The following MDH1 variants were observed in gnomAD, a reference collection of about 807,000 sequenced individuals.
MDH1 encodes malate dehydrogenase, cytoplasmic.
In MDH1, 15 loss-of-function variants were observed where a neutral mutation model predicts 38.7. That is an observed-to-expected ratio of 0.39 (90% CI 0.26 to 0.60). MDH1 has a LOEUF of 0.60. Among genes scored for constraint, MDH1 ranks in the 20% least tolerant of loss-of-function variants. The pLI is 0.56. For synonymous variants in MDH1, 144 were observed against 143.6 expected (o/e 1.00, Z -0.02); for missense variants, 368 against 405.2 (o/e 0.91, Z 0.79).
chr2:63,598,558 T>C (rs934629660), intron 4 of MDH1, among the ~76,000 whole-genome samples: 1 of 152,194 alleles, frequency 6.6e-6, no homozygotes, highest in East Asian at 1.9e-4. Context: ...TGAAAGAAAA[T>C]TTTTTAAGAT....
At chr2:63,602,465 A>C (rs1443476069) in intron 5 of MDH1, among the ~76,000 whole-genome samples, 1 of 151,778 alleles carries the variant, frequency 6.6e-6, no homozygotes, top group Non-Finnish European at 1.5e-5. Flanking sequence ...ACCTTACATA[A>C]CTACAGAGTA....
intron 3 of MDH1, among the ~76,000 whole-genome samples, chr2:63,595,979 C>T (rs577176290): frequency 1.3e-5 from 2 of 152,262 alleles, no homozygotes; most frequent in South Asian, 4.2e-4. Flanking sequence ...TCCTCTTACA[C>T]GGTCCCCATC....
chr2:63,605,651 C>A (rs1408649750), intron 7 of MDH1, among the ~76,000 whole-genome samples: 1 of 152,114 alleles, frequency 6.6e-6, no homozygotes, highest in African/African-American at 2.4e-5. Context: ...TGGCACAATG[C>A]CTGATACATA....
intron 1 of MDH1, among the ~76,000 whole-genome samples, chr2:63,592,214 G>A (rs10200146): frequency 0.39 from 59,103 of 152,104 alleles, 12,137 homozygotes; most frequent in Non-Finnish European, 0.45. Flanking sequence ...CAGTTCATCA[G>A]TGGATTTATA....
At chr2:63,595,996 A>G (rs1003922896) in intron 3 of MDH1, among the ~76,000 whole-genome samples, 1 of 152,136 alleles carries the variant, frequency 6.6e-6, no homozygotes, top group Non-Finnish European at 1.5e-5. Context: ...CATCCCATCT[A>G]CCAATCATCA....
rs556524886 is a variant in MDH1 at position 63,589,400 on chromosome 2, G to T, written c.3+354G>T. 104 of 1,549,026 alleles carry T rather than the reference G, an allele frequency of 6.7e-5. No homozygotes were observed. The African/African-American group carries it at 1.3e-3, about 19-fold the overall frequency. On this transcript the variant is annotated intron_variant, in intron 1 of 8. Coordinates refer to ENST00000233114, the MANE Select transcript of MDH1 (RefSeq NM_005917.4). Reference sequence around the variant, plus strand: ...GGACGATAAGGTTTGCGATGGGAGGGAAAGGTTGGGTCCTAACCCCTTTTT... The same window carrying T: ...GGACGATAAGGTTTGCGATGGGAGGTAAAGGTTGGGTCCTAACCCCTTTTT...
rs199668515 is a variant in MDH1 at position 63,594,551 on chromosome 2, A to G, written c.67A>G (p.Ser23Gly). The G allele has an allele frequency of 3.1e-6, 5 of 1,613,724 alleles. No homozygotes were observed. The highest frequency in any genetic ancestry group is 1.7e-5 in the Admixed American group (1 of 60,010). ...TCAAATTGCATATTCACTGCTGTAC[A>G]GTATTGGAAATGGATCTGTCTTTGG... ...AGQIAYSLLY[S>G]IGNGSVFGKD... Residue 23 changes from serine to glycine, a missense_variant, in exon 2 of 9, where the codon AGT (serine) becomes GGT (glycine). Physicochemically the swap from Ser to Gly is moderately conservative, Grantham distance 56 (BLOSUM62 0). Coordinates refer to ENST00000233114, the MANE Select transcript of MDH1 (RefSeq NM_005917.4).
In MDH1 at chr2:63,607,012, T is replaced by A; in HGVS notation, c.*25T>A. The A allele has an allele frequency of 6.3e-7, 1 of 1,594,724 alleles. No homozygotes were observed. Among genetic ancestry groups the A allele is most frequent in the African/African-American group, 1.3e-5 (1 of 74,092 alleles). On this transcript the variant is annotated 3_prime_UTR_variant, in exon 9 of 9. Transcript: ENST00000233114. The stretch of plus-strand genomic sequence containing the variant: ...ACTAGACAATGATGTTACTAAATGC[T>A]TCAAAGCTGAAGAATCTAAATGTCG...
intron 2 of MDH1, 22 bp downstream of exon 2, chr2:63,594,608 T>C (rs1004122759): frequency 6.0e-6 from 9 of 1,503,812 alleles, no homozygotes; most frequent in Non-Finnish European, 8.3e-6. Context: ...TGTCTATAAA[T>C]CTTAAGTTAT....
At chr2:63,593,888 T>C (rs1709251538) in intron 1 of MDH1, among the ~76,000 whole-genome samples, 1 of 152,242 alleles carries the variant, frequency 6.6e-6, no homozygotes, top group Non-Finnish European at 1.5e-5. Flanking sequence ...TTGAAATCTC[T>C]GTTTGTATGT....
Position 63,597,505 on chromosome 2 carries a change from GA to G in MDH1, c.309del (p.Ala104GlnfsTer3). ...REGMERKDLL[K>X]ANVKIFKSQG... ...AAGGCATGGAGAGAAAAGATTTACTGAAAGCAAATGTGAAAATCTTCAAATC... is the reference window on the plus strand; with the variant it reads ...AAGGCATGGAGAGAAAAGATTTACTGAAGCAAATGTGAAAATCTTCAAATC... On this transcript the variant is annotated frameshift_variant, in exon 4 of 9. Coordinates refer to ENST00000233114, the MANE Select transcript of MDH1 (RefSeq NM_005917.4). LOFTEE classifies it high-confidence loss of function. 6.6e-7 allele frequency: 1 copy of G among 1,517,242 alleles called. No homozygotes were observed. Among genetic ancestry groups the G allele is most frequent in the South Asian group, 1.3e-5 (1 of 76,896 alleles). 94.0% of individuals were successfully genotyped at this position (1,517,242 alleles called of 1,614,324 possible).
chr2:63,601,869 T>C (rs1709424788), intron 5 of MDH1, among the ~76,000 whole-genome samples: 1 of 152,240 alleles, frequency 6.6e-6, no homozygotes, highest in African/African-American at 2.4e-5. Context: ...TAAATTTATC[T>C]TTTTCTATAT....
At chr2:63,596,229 A>G (rs1558859994) in intron 3 of MDH1, among the ~76,000 whole-genome samples, 1 of 152,224 alleles carries the variant, frequency 6.6e-6, no homozygotes, top group Non-Finnish European at 1.5e-5. Flanking sequence ...GGATTAATTA[A>G]TGATACTCTC....
chr2:63,604,793 A>G lies in MDH1; in HGVS notation c.596A>G (p.Lys199Arg). The change falls in exon 6 of 9, where the codon AAG becomes AGG. Residue 199 changes from lysine (K) to arginine (R), a missense_variant. By Grantham distance (26) the Lys-to-Arg change is conservative (BLOSUM62 2). Transcript: ENST00000233114. ...STQYPDVNHA[K>R]VKLQGKEVGV... ...CAGTATCCAGATGTCAACCATGCCA[A>G]GGTGAAATTGCAAGGAAAGGAAGTT... The G allele has an allele frequency of 6.2e-7, 1 of 1,614,220 alleles. No homozygotes were observed. Among genetic ancestry groups the G allele is most frequent in the Non-Finnish European group, 8.5e-7 (1 of 1,180,022 alleles).
At chr2:63,600,061 G>A (rs1253559342) in intron 5 of MDH1, 2 of 152,060 alleles carry the variant, frequency 1.3e-5, no homozygotes, top group African/African-American at 2.4e-5. Context: ...TGCTAGATAG[G>A]TCTATGAGTT....
At chr2:63,593,412 A>AT (rs34641495) in intron 1 of MDH1, 3,219 of 324,054 alleles carry the variant, frequency 9.9e-3, no homozygotes, top group South Asian at 0.015. Context: ...CTTTTTTGAA[A>AT]TTTTTTTTTT....
chr2:63,606,004 C>T lies in MDH1; in HGVS notation c.855C>T (p.Leu285=). Residue 285 remains leucine, a synonymous_variant, in exon 8 of 9, where the codon CTC becomes CTT. Coordinates refer to ENST00000233114, the MANE Select transcript of MDH1 (RefSeq NM_005917.4). ...CCTATGGTGTTCCTGATGATCTGCTCTACTCATTCCCTGTTGTAATCAAGG... is the reference window on the plus strand; with the variant it reads ...CCTATGGTGTTCCTGATGATCTGCTTTACTCATTCCCTGTTGTAATCAAGG... ...GNSYGVPDDL[L]YSFPVVIKNK... 1 of 1,614,010 alleles carries T rather than the reference C, an allele frequency of 6.2e-7. No homozygotes were observed. Among genetic ancestry groups the T allele is most frequent in the Non-Finnish European group, 8.5e-7 (1 of 1,179,900 alleles).
At chr2:63,590,721 C>G (rs76770207) in intron 1 of MDH1, 2,894 of 152,252 alleles carry the variant, frequency 0.019, 47 homozygotes, top group Non-Finnish European at 0.032. Context: ...CAAGGCCCCA[C>G]CGTTGGAAGG....
At position 63,607,037 on chromosome 2, in the gene MDH1, G is replaced by A. The variant is rs376302021; in HGVS notation, c.*50G>A. On this transcript the variant is annotated 3_prime_UTR_variant, in exon 9 of 9. Coordinates refer to ENST00000233114, the MANE Select transcript of MDH1 (RefSeq NM_005917.4). ...TTCAAAGCTGAAGAATCTAAATGTC[G>A]TCTTTGACTCAAGTACCAAATAATA... is the stretch of plus-strand genomic sequence containing the variant. 57 of 1,544,982 alleles carry A rather than the reference G, an allele frequency of 3.7e-5. No homozygotes were observed. Among genetic ancestry groups the A allele is most frequent in the Middle Eastern group, 3.4e-4 (2 of 5,798 alleles).
Sources: allele counts gnomAD v4.1 joint callset (sites outside exome capture counted in the v4.1 genomes callset), GRCh38; gene constraint gnomAD v4.1.1; transcripts MANE v1.5; gene names NCBI Gene and HGNC (gene_info 2026-07-23, HGNC 2026-07-21).